The following THSD4 variants were observed in gnomAD, a reference collection of about 807,000 sequenced individuals.
THSD4 encodes the protein thrombospondin type 1 domain containing 4, also known as thrombospondin type-1 domain-containing protein 4.
A neutral mutation model predicts 119.0 loss-of-function variants in THSD4; 69 were observed. The ratio of observed to expected loss-of-function variants is 0.58; its 90% CI spans 0.48 to 0.71. The LOEUF is 0.71. Among genes scored for constraint, THSD4 ranks in the 30% least tolerant of loss-of-function variants. The pLI is 0.00. For synonymous variants in THSD4, 524 were observed against 540.4 expected (o/e 0.97, Z 0.42); for missense variants, 1,393 against 1,391.1 (o/e 1.00, Z -0.02).
intron 7 of THSD4, among the ~76,000 whole-genome samples, chr15:71,631,126 C>T (rs2140945021): frequency 6.6e-6 from 1 of 152,278 alleles, no homozygotes; most frequent in Admixed American, 6.5e-5. Context: ...GTAAGAGGCA[C>T]AGTCTGGGTG....
At chr15:71,693,879 T>C (rs186510163) in intron 8 of THSD4, among the ~76,000 whole-genome samples, 29 of 152,252 alleles carry the variant, frequency 1.9e-4, no homozygotes, top group South Asian at 1.9e-3. Context: ...CTTCCCCAGC[T>C]ATGTGGAACT....
intron 6 of THSD4, among the ~76,000 whole-genome samples, chr15:71,407,329 G>C (rs916489719): frequency 9.2e-5 from 14 of 152,122 alleles, no homozygotes; most frequent in African/African-American, 3.4e-4. Flanking sequence ...TGCTGCTTAG[G>C]ATCAGCTTTC....
chr15:71,531,055 A>T (rs1567023350), intron 7 of THSD4, among the ~76,000 whole-genome samples: 1 of 152,158 alleles, frequency 6.6e-6, no homozygotes, highest in Non-Finnish European at 1.5e-5. Flanking sequence ...GTCCTTGGCC[A>T]GGCAAAAGAA....
At chr15:71,183,501 A>G (rs991314749) in intron 3 of THSD4, among the ~76,000 whole-genome samples, 1 of 151,660 alleles carries the variant, frequency 6.6e-6, no homozygotes, top group Admixed American at 6.6e-5. Context: ...GGGTGATAAT[A>G]GTACCTATCA....
At chr15:71,286,055 T>G (rs1216248451) in intron 6 of THSD4, among the ~76,000 whole-genome samples, 1 of 152,142 alleles carries the variant, frequency 6.6e-6, no homozygotes, top group African/African-American at 2.4e-5. Flanking sequence ...GATGTATTTG[T>G]TCTACGCATC....
intron 2 of THSD4, among the ~76,000 whole-genome samples, chr15:71,154,506 G>T (rs1229239397): frequency 6.6e-6 from 1 of 152,206 alleles, no homozygotes; most frequent in Non-Finnish European, 1.5e-5. Flanking sequence ...GCCAGGCACG[G>T]TGCATCCTCT....
intron 6 of THSD4, among the ~76,000 whole-genome samples, chr15:71,357,271 A>C (rs569392100): frequency 6.6e-5 from 10 of 152,324 alleles, no homozygotes; most frequent in Admixed American, 2.0e-4. Context: ...GGACATCTGC[A>C]CTGCAGGGAC....
At chr15:71,774,004 TAAAGGAAATGA>T (rs1203186063) in intron 17 of THSD4, among the ~76,000 whole-genome samples, 5 of 151,988 alleles carry the variant, frequency 3.3e-5, no homozygotes, top group African/African-American at 1.2e-4. Flanking sequence ...TTGTAAAGGA[TAAAGGAAATGA>T]ACAAACTCAC....
At chr15:71,485,862 A>G (rs28438814) in intron 7 of THSD4, among the ~76,000 whole-genome samples, 91,944 of 152,102 alleles carry the variant, frequency 0.6, 27,851 homozygotes, top group Middle Eastern at 0.66. Flanking sequence ...ACTACAGCCC[A>G]GTGACAAGTT....
At chr15:71,304,126 C>T (rs1219091947) in intron 6 of THSD4, among the ~76,000 whole-genome samples, 1 of 152,170 alleles carries the variant, frequency 6.6e-6, no homozygotes, top group Admixed American at 6.5e-5. Flanking sequence ...TCCCAGATAC[C>T]ACCAGGAGGT....
intron 6 of THSD4, among the ~76,000 whole-genome samples, chr15:71,259,028 G>A (rs564353051): frequency 2.6e-5 from 4 of 152,074 alleles, no homozygotes; most frequent in Non-Finnish European, 4.4e-5. Context: ...CAGGAGAATC[G>A]CTTGAACCTG....
At chr15:71,670,444 T>C in intron 8 of THSD4, among the ~76,000 whole-genome samples, 1 of 151,020 alleles carries the variant, frequency 6.6e-6, no homozygotes, top group African/African-American at 2.4e-5. Context: ...TATTCCATGG[T>C]GTATATGTGC....
chr15:71,604,148 G>T (rs1311483560), intron 7 of THSD4, among the ~76,000 whole-genome samples: 1 of 152,078 alleles, frequency 6.6e-6, no homozygotes, highest in Admixed American at 6.6e-5. Flanking sequence ...AATAAGTTTG[G>T]GCCCTAATGA....
chr15:71,698,173 C>T (rs1013215198), intron 8 of THSD4, among the ~76,000 whole-genome samples: 1 of 152,152 alleles, frequency 6.6e-6, no homozygotes. Context: ...GTTGGAGCCA[C>T]ACAGATAAAT....
At chr15:71,245,040 G>A (rs1411593188) in intron 5 of THSD4, among the ~76,000 whole-genome samples, 6 of 152,160 alleles carry the variant, frequency 3.9e-5, no homozygotes, top group Non-Finnish European at 4.4e-5. Context: ...TAGAAGCTGT[G>A]GCTTCCCTGA....
At chr15:71,739,599 A>T (rs1014269998) in intron 11 of THSD4, among the ~76,000 whole-genome samples, 1 of 152,184 alleles carries the variant, frequency 6.6e-6, no homozygotes, top group Non-Finnish European at 1.5e-5. Flanking sequence ...GACTCATTGC[A>T]AAGATACACC....
chr15:71,599,910 A>G, intron 7 of THSD4, among the ~76,000 whole-genome samples: 1 of 152,208 alleles, frequency 6.6e-6, no homozygotes, highest in South Asian at 2.1e-4. Flanking sequence ...GCAGAGCCAC[A>G]AATCTTCTCA....
chr15:71,685,093 C>T (rs1001780789), intron 8 of THSD4, among the ~76,000 whole-genome samples: 8 of 151,646 alleles, frequency 5.3e-5, no homozygotes, highest in Non-Finnish European at 4.4e-5. Context: ...ATTAAATTTG[C>T]TTATTTTCAA....
In THSD4 at chr15:71,446,857, T is replaced by C. The variant is rs143620099; in HGVS notation, c.1152+35034T>C. On this transcript the variant is annotated intron_variant, in intron 7 of 17. Coordinates refer to ENST00000261862, the MANE Select transcript of THSD4 (RefSeq NM_024817.3). ...GGAGGAGCCTATTCTTTCTTGTGCA[T>C]GCTCTTTAAGAGTCAGGGACATGTT... Among the ~76,000 whole-genome samples the C allele has an allele frequency of 2.1e-3, 323 of 152,294 alleles. 2 individuals carry two copies. The highest frequency in any genetic ancestry group is 7.2e-3 in the African/African-American group (300 of 41,572).
Sources: allele counts gnomAD v4.1 joint callset (sites outside exome capture counted in the v4.1 genomes callset), GRCh38; gene constraint gnomAD v4.1.1; transcripts MANE v1.5; gene names NCBI Gene and HGNC (gene_info 2026-07-23, HGNC 2026-07-21).